Variants in SIK3 observed in about 807,000 individuals in gnomAD.
SIK3 encodes SIK family kinase 3.
Under a neutral mutation model 144.2 loss-of-function variants are expected in SIK3, and 28 were observed. The ratio of observed to expected loss-of-function variants is 0.19; its 90% CI spans 0.14 to 0.27. The LOEUF (loss-of-function observed/expected upper bound fraction) is 0.27. Among genes scored for constraint, SIK3 ranks in the 10% least tolerant of loss-of-function variants. The pLI is 1.00. For missense variants in SIK3, 1,319 were observed against 1,776.0 expected, an observed-to-expected ratio of 0.74 and a Z score of 4.62; for synonymous variants, 686 against 676.3, an observed-to-expected ratio of 1.01 and a Z score of -0.22.
Position 116,862,242 on chromosome 11 carries a change from T to C in SIK3, c.2189A>G (p.Gln730Arg). The C allele has an allele frequency of 6.2e-7, 1 of 1,614,254 alleles. No individual in the cohort carries two copies. The highest frequency in any genetic ancestry group is 8.5e-7 in the Non-Finnish European group (1 of 1,180,044). ...GAGAATTTGATGGTGCTGCTCCTGC[T>C]GGTATAACATATGCTGCTGCTGGGT... ...EKTQQQHMLY[Q>R]QEQHHQILQQ... is the part of the protein sequence containing the mutation. The change falls in exon 17 of 25, where the codon CAG becomes CGG. Residue 730 changes from glutamine to arginine, a missense_variant. Gln to Arg is a conservative substitution (Grantham distance 43). This residue lies in a region of SIK3 where 77 missense variants were observed against 141.9 expected (regional missense o/e 0.54). Transcript: ENST00000445177.
At chr11:116,940,624 T>C (rs1323589439) in intron 3 of SIK3, among the ~76,000 whole-genome samples, 1 of 151,940 alleles carries the variant, frequency 6.6e-6, no homozygotes, top group African/African-American at 2.4e-5. Context: ...GACTGGATGA[T>C]CAGACTATAA....
chr11:117,053,841 C>A (rs956288248), intron 1 of SIK3, among the ~76,000 whole-genome samples: 1 of 152,142 alleles, frequency 6.6e-6, no homozygotes, highest in African/African-American at 2.4e-5. Context: ...GAGATGGGGT[C>A]TTGCTGTATT....
chr11:116,923,314 T>C (rs555148911), intron 4 of SIK3, among the ~76,000 whole-genome samples: 2 of 152,356 alleles, frequency 1.3e-5, no homozygotes, highest in East Asian at 3.9e-4. Context: ...TAAGATACTT[T>C]ACCAAAAGGG....
At chr11:116,883,418 A>C (rs944574119) in intron 6 of SIK3, among the ~76,000 whole-genome samples, 2 of 152,192 alleles carry the variant, frequency 1.3e-5, no homozygotes, top group Non-Finnish European at 2.9e-5. Flanking sequence ...AAAGTAAATC[A>C]ATAAGAAACC....
intron 21 of SIK3, chr11:116,857,556 G>A (rs776729981): frequency 8.3e-5 from 41 of 496,402 alleles, no homozygotes; most frequent in Non-Finnish European, 1.2e-4. Context: ...AAGAAACTGT[G>A]GTATGAATAA....
intron 1 of SIK3, among the ~76,000 whole-genome samples, chr11:117,031,501 ATTTTATTTTATTTTAT>A (rs1952257439): frequency 6.7e-6 from 1 of 148,752 alleles, no homozygotes; most frequent in Admixed American, 6.7e-5. Context: ...ACAGCATTTT[ATTTTATTTTATTTTAT>A]TTTTATTTTA....
At chr11:117,058,435 G>A (rs934908620) in intron 1 of SIK3, among the ~76,000 whole-genome samples, 6 of 150,190 alleles carry the variant, frequency 4.0e-5, no homozygotes, top group African/African-American at 9.9e-5. Flanking sequence ...CAGGAGAATC[G>A]CTTGAACCCA....
chr11:116,925,330 C>T (rs1400339907), intron 4 of SIK3, among the ~76,000 whole-genome samples: 1 of 151,992 alleles, frequency 6.6e-6, no homozygotes, highest in African/African-American at 2.4e-5. Flanking sequence ...TGACAAAGGT[C>T]CTTGCAAGAG....
At chr11:117,057,743 G>A (rs1446519649) in intron 1 of SIK3, among the ~76,000 whole-genome samples, 1 of 152,188 alleles carries the variant, frequency 6.6e-6, no homozygotes, top group Non-Finnish European at 1.5e-5. Context: ...ATGGCTGTGT[G>A]ACTTTGGACA....
chr11:116,989,759 G>C (rs1292419121), intron 1 of SIK3, among the ~76,000 whole-genome samples: 1 of 152,034 alleles, frequency 6.6e-6, no homozygotes, highest in Non-Finnish European at 1.5e-5. Context: ...AAAAATATCA[G>C]GCAGATTTTG....
chr11:116,852,116 A>T (rs1942502779), intron 21 of SIK3, among the ~76,000 whole-genome samples: 1 of 152,240 alleles, frequency 6.6e-6, no homozygotes, highest in African/African-American at 2.4e-5. Flanking sequence ...AGGAAACAGC[A>T]AAGCTAACAA....
At chr11:117,019,462 CTGGTTACAG>C (rs1951675673) in intron 1 of SIK3, among the ~76,000 whole-genome samples, 1 of 152,190 alleles carries the variant, frequency 6.6e-6, no homozygotes, top group Non-Finnish European at 1.5e-5. Context: ...AACTGACCTA[CTGGTTACAG>C]TAAGTAGCTG....
chr11:116,955,329 C>T (rs1202476237), intron 2 of SIK3, among the ~76,000 whole-genome samples: 1 of 152,132 alleles, frequency 6.6e-6, no homozygotes, highest in African/African-American at 2.4e-5. Context: ...ACCCAGGAGG[C>T]GCAGGCTGCA....
intron 13 of SIK3, among the ~76,000 whole-genome samples, chr11:116,872,834 T>C (rs1326478246): frequency 6.6e-6 from 1 of 152,234 alleles, no homozygotes; most frequent in Admixed American, 6.5e-5. Flanking sequence ...GGGTGATGGA[T>C]ATATTTACTA....
At chr11:117,009,116 TC>T (rs1336993882) in intron 1 of SIK3, among the ~76,000 whole-genome samples, 1 of 151,142 alleles carries the variant, frequency 6.6e-6, no homozygotes, top group East Asian at 1.9e-4. Flanking sequence ...GCGCCTGTAA[TC>T]CCAGCTACTT....
At chr11:117,007,008 T>A (rs906875212) in intron 1 of SIK3, among the ~76,000 whole-genome samples, 3 of 152,212 alleles carry the variant, frequency 2.0e-5, no homozygotes, top group Admixed American at 2.0e-4. Context: ...AACTGGATTA[T>A]CACCCTCAAT....
chr11:117,009,758 T>C (rs1245334097), intron 1 of SIK3, among the ~76,000 whole-genome samples: 1 of 152,150 alleles, frequency 6.6e-6, no homozygotes, highest in Non-Finnish European at 1.5e-5. Context: ...GATTAGTGAA[T>C]CTTTATCACC....
intron 1 of SIK3, among the ~76,000 whole-genome samples, chr11:117,042,377 G>A (rs535566630): frequency 3.5e-4 from 53 of 152,290 alleles, no homozygotes; most frequent in Non-Finnish European, 2.2e-4. Context: ...AGGCACAATG[G>A]TTAAAGGCCA....
At chr11:117,073,632 G>A (rs7935913) in intron 1 of SIK3, among the ~76,000 whole-genome samples, 59,610 of 151,918 alleles carry the variant, frequency 0.39, 14,814 homozygotes, top group African/African-American at 0.71. Flanking sequence ...TTAGCATACA[G>A]CAATTAAGAT....
Sources: allele counts gnomAD v4.1 joint callset (sites outside exome capture counted in the v4.1 genomes callset), GRCh38; gene constraint gnomAD v4.1.1; regional missense constraint gnomAD v4.1.1; transcripts MANE v1.5; gene names NCBI Gene and HGNC (gene_info 2026-07-23, HGNC 2026-07-21).